RHOB: variants seen among roughly 807,000 people sequenced by gnomAD.
RHOB encodes rho-related GTP-binding protein RhoB.
A neutral mutation model predicts 12.9 loss-of-function variants in RHOB; 6 were observed. The observed-to-expected ratio is 0.47, with a 90% CI of 0.25 to 0.92. The LOEUF (loss-of-function observed/expected upper bound fraction) is 0.92. Among genes scored for constraint, RHOB ranks in the 40% least tolerant of loss-of-function variants. RHOB has a pLI of 0.16. For synonymous variants in RHOB, 168 were observed against 122.1 expected, an observed-to-expected ratio of 1.38 and a Z score of -2.48; for missense variants, 142 against 277.9, an observed-to-expected ratio of 0.51 and a Z score of 3.48.
Position 20,448,181 on chromosome 2 carries a change from T to G in RHOB, c.*125T>G. 2.3e-6 allele frequency: 2 copies of G among 856,238 alleles called. No homozygotes were observed. Among genetic ancestry groups the G allele is most frequent in the Non-Finnish European group, 3.6e-6 (2 of 557,030 alleles). 53.0% of individuals were successfully genotyped at this position (856,238 alleles called of 1,614,324 possible). ...CCCACCGGCCTGCCTGGCATCTGTCTGCTGACGCCTCTGGCTTGCGCCAGG... is the reference window on the plus strand; with the variant it reads ...CCCACCGGCCTGCCTGGCATCTGTCGGCTGACGCCTCTGGCTTGCGCCAGG... On this transcript the variant is annotated 3_prime_UTR_variant, in exon 1 of 1. Coordinates refer to ENST00000272233, the MANE Select transcript of RHOB (RefSeq NM_004040.4).
At position 20,448,910 on chromosome 2, in the gene RHOB, T is replaced by A. The variant is rs1691055584; in HGVS notation, c.*854T>A. 1 of 167,172 alleles carries A rather than the reference T, an allele frequency of 6.0e-6. No individual in the cohort carries two copies. Among genetic ancestry groups the A allele is most frequent in the South Asian group, 2.1e-4 (1 of 4,838 alleles). 10.4% of individuals were successfully genotyped at this position (167,172 alleles called of 1,614,324 possible). ...TTAAAGGCTAAAATTTGTTTTTTTA[T>A]TCTTTGCACAATTGTTTCATTGTTT... is the stretch of plus-strand genomic sequence containing the variant. On this transcript the variant is annotated 3_prime_UTR_variant, in exon 1 of 1. Transcript: ENST00000272233.
In RHOB at chr2:20,447,953, C is replaced by G. The variant is rs762876812; in HGVS notation, c.488C>G (p.Thr163Ser). The change falls in exon 1 of 1, where the codon ACC becomes AGC. Residue 163 changes from threonine to serine, a missense_variant. Coordinates refer to ENST00000272233, the MANE Select transcript of RHOB (RefSeq NM_004040.4). Reference sequence around the variant, plus strand: ...GACTACCTCGAGTGCTCTGCCAAGACCAAGGAAGGCGTGCGCGAGGTCTTC... The same window carrying G: ...GACTACCTCGAGTGCTCTGCCAAGAGCAAGGAAGGCGTGCGCGAGGTCTTC... ...AYDYLECSAK[T>S]KEGVREVFET... 1.2e-6 allele frequency: 2 copies of G among 1,613,092 alleles called. No individual in the cohort carries two copies. The highest frequency in any genetic ancestry group is 1.1e-5 in the South Asian group (1 of 91,084).
In RHOB at chr2:20,447,434, G is replaced by GC; in HGVS notation, c.-27dup. 1.9e-6 allele frequency: 3 copies of GC among 1,544,750 alleles called. No homozygotes were observed. The Admixed American group carries it at 5.5e-5, about 28-fold the overall frequency. On this transcript the variant is annotated 5_prime_UTR_variant, in exon 1 of 1. Transcript: ENST00000272233. Reference sequence around the variant, plus strand: ...CGGGAGGGCAGCGAGGCGTTCGCGGGCCCCCTCCTGCTGCCCGGGCCCGGC... The same window carrying GC: ...CGGGAGGGCAGCGAGGCGTTCGCGGGCCCCCCTCCTGCTGCCCGGGCCCGGC...
chr2:20,447,152 C>G lies in RHOB; in HGVS notation c.-314C>G, dbSNP rs1301157217. ...GGAGAGACCCGGGAGAGAGCTAGGC[C>G]GAGTCCACCGCCCGAGTCTGCTGCC... On this transcript the variant is annotated 5_prime_UTR_variant, in exon 1 of 1. Transcript: ENST00000272233. 1 of 284,066 alleles carries G rather than the reference C, an allele frequency of 3.5e-6. No homozygotes were observed. The highest frequency in any genetic ancestry group is 5.3e-5 in the Admixed American group (1 of 18,842). The allele number at this position is 284,066 out of a possible 1,614,324, so 17.6% of individuals were successfully genotyped here.
chr2:20,448,335 A>G lies in RHOB; in HGVS notation c.*279A>G. The G allele has an allele frequency of 2.0e-6, 1 of 489,008 alleles. No individual in the cohort carries two copies. Among genetic ancestry groups the G allele is most frequent in the East Asian group, 3.6e-5 (1 of 27,786 alleles). 30.3% of individuals were successfully genotyped at this position (489,008 alleles called of 1,614,324 possible). A position where few individuals can be genotyped will look rare whatever the true frequency, so the allele number is the denominator to read the frequency against. On this transcript the variant is annotated 3_prime_UTR_variant, in exon 1 of 1. Transcript: ENST00000272233. ...GCTTTTCTGAAGAGCCGGGCCTCAG[A>G]GTGTGTGGCTGTGTGTCTGTTCGAC... is the stretch of plus-strand genomic sequence containing the variant.
chr2:20,448,200 C>A lies in RHOB; in HGVS notation c.*144C>A. 1.3e-6 allele frequency: 1 copy of A among 761,608 alleles called. No individual in the cohort carries two copies. Among genetic ancestry groups the A allele is most frequent in the Non-Finnish European group, 2.1e-6 (1 of 471,238 alleles). The allele number at this position is 761,608 out of a possible 1,614,324, so 47.2% of individuals were successfully genotyped here. A position where few individuals can be genotyped will look rare whatever the true frequency, so the allele number is the denominator to read the frequency against. On this transcript the variant is annotated 3_prime_UTR_variant, in exon 1 of 1. Transcript: ENST00000272233. ...TCTGTCTGCTGACGCCTCTGGCTTG[C>A]GCCAGGACTTGGCGTGGGCACCGGG...
rs924247250 is a variant in RHOB, at chr2:20,449,125, G to C, written c.*1069G>C. 6.0e-6 allele frequency: 1 copy of C among 166,686 alleles called. No individual in the cohort carries two copies. Among genetic ancestry groups the C allele is most frequent in the South Asian group, 2.1e-4 (1 of 4,824 alleles). 10.3% of individuals were successfully genotyped at this position (166,686 alleles called of 1,614,324 possible). A position where few individuals can be genotyped will look rare whatever the true frequency, so the allele number is the denominator to read the frequency against. On this transcript the variant is annotated 3_prime_UTR_variant, in exon 1 of 1. Transcript: ENST00000272233. ...CTGTTTTGTGATTTTATTTGTGCAGGTCATGCACACAGTTTTGATAAAGGG... is the reference window on the plus strand; with the variant it reads ...CTGTTTTGTGATTTTATTTGTGCAGCTCATGCACACAGTTTTGATAAAGGG...
Position 20,447,355 on chromosome 2 carries a change from C to T in RHOB, c.-111C>T, listed in dbSNP as rs967192808. The T allele has an allele frequency of 2.5e-6, 2 of 807,470 alleles. No individual in the cohort carries two copies. The highest frequency in any genetic ancestry group is 3.6e-6 in the Non-Finnish European group (2 of 560,526). The allele number at this position is 807,470 out of a possible 1,614,324, so 50.0% of individuals were successfully genotyped here. A position where few individuals can be genotyped will look rare whatever the true frequency, so the allele number is the denominator to read the frequency against. ...GCGCCACCGCGGGGCCCGGGTGCAGCTAGCGACCCTCTCGCCACCTGCGCG... is the reference window on the plus strand; with the variant it reads ...GCGCCACCGCGGGGCCCGGGTGCAGTTAGCGACCCTCTCGCCACCTGCGCG... On this transcript the variant is annotated 5_prime_UTR_variant, in exon 1 of 1. Transcript: ENST00000272233.
At position 20,447,942 on chromosome 2, in the gene RHOB, C is replaced by T. The variant is rs1053981804; in HGVS notation, c.477C>T (p.Cys159=). The part of the protein sequence containing the change: ...VRIQAYDYLE[C]SAKTKEGVRE... ...TCCAAGCCTACGACTACCTCGAGTGCTCTGCCAAGACCAAGGAAGGCGTGC... is the reference window on the plus strand; with the variant it reads ...TCCAAGCCTACGACTACCTCGAGTGTTCTGCCAAGACCAAGGAAGGCGTGC... Residue 159 remains cysteine, a synonymous_variant, in exon 1 of 1, where the codon TGC becomes TGT. Transcript: ENST00000272233. 1.2e-5 allele frequency: 20 copies of T among 1,613,024 alleles called. No individual in the cohort carries two copies. The highest frequency in any genetic ancestry group is 2.7e-5 in the African/African-American group (2 of 74,938).
chr2:20,447,492 G>T lies in RHOB; in HGVS notation c.27G>T (p.Val9=). The part of the protein sequence containing the change: MAAIRKKL[V]VVGDGACGKT... ...TGGCGGCCATCCGCAAGAAGCTGGTGGTGGTGGGCGACGGCGCGTGTGGCA... is the reference window on the plus strand; with the variant it reads ...TGGCGGCCATCCGCAAGAAGCTGGTTGTGGTGGGCGACGGCGCGTGTGGCA... The change falls in exon 1 of 1, where the codon GTG becomes GTT. Residue 9 remains valine (V), a synonymous_variant. Coordinates refer to ENST00000272233, the MANE Select transcript of RHOB (RefSeq NM_004040.4). 1.2e-6 allele frequency: 2 copies of T among 1,612,560 alleles called. No individual in the cohort carries two copies. The highest frequency in any genetic ancestry group is 1.1e-5 in the South Asian group (1 of 91,004).
At position 20,448,341 on chromosome 2, in the gene RHOB, T is replaced by G; in HGVS notation, c.*285T>G. Reference sequence around the variant, plus strand: ...CTGAAGAGCCGGGCCTCAGAGTGTGTGGCTGTGTGTCTGTTCGACTCCCCT... The same window carrying G: ...CTGAAGAGCCGGGCCTCAGAGTGTGGGGCTGTGTGTCTGTTCGACTCCCCT... On this transcript the variant is annotated 3_prime_UTR_variant, in exon 1 of 1. Transcript: ENST00000272233. The G allele has an allele frequency of 2.1e-6, 1 of 468,522 alleles. No individual in the cohort carries two copies. Among genetic ancestry groups the G allele is most frequent in the Non-Finnish European group, 3.9e-6 (1 of 253,180 alleles). The allele number at this position is 468,522 out of a possible 1,614,324, so 29.0% of individuals were successfully genotyped here. A position where few individuals can be genotyped will look rare whatever the true frequency, so the allele number is the denominator to read the frequency against.
In RHOB at chr2:20,449,298, CTA is replaced by C. The variant is rs1691067947; in HGVS notation, c.*1243_*1244del. The stretch of plus-strand genomic sequence containing the variant: ...CCCCTCCCTCCCAGTGGTACTTCTA[CTA>C]AATTGTTGTCTTGTTTTTTATTTTT... On this transcript the variant is annotated 3_prime_UTR_variant, in exon 1 of 1. Coordinates refer to ENST00000272233, the MANE Select transcript of RHOB (RefSeq NM_004040.4). 6.1e-6 allele frequency: 1 copy of C among 163,108 alleles called. No homozygotes were observed. The highest frequency in any genetic ancestry group is 2.1e-4 in the South Asian group (1 of 4,782). 10.1% of individuals were successfully genotyped at this position (163,108 alleles called of 1,614,324 possible).
In RHOB at chr2:20,447,313, A is replaced by G. The variant is rs1691016309; in HGVS notation, c.-153A>G. 1.2e-5 allele frequency: 6 copies of G among 512,986 alleles called. No homozygotes were observed. The highest frequency in any genetic ancestry group is 1.9e-5 in the Non-Finnish European group (6 of 316,482). The allele number at this position is 512,986 out of a possible 1,614,324, so 31.8% of individuals were successfully genotyped here. ...CCCACCGCCCCCGCCGCGGCAGCCG[A>G]AGCGCAGCGAGAGAACGCGCCACCG... On this transcript the variant is annotated 5_prime_UTR_variant, in exon 1 of 1. Coordinates refer to ENST00000272233, the MANE Select transcript of RHOB (RefSeq NM_004040.4).
In RHOB at chr2:20,447,826, C is replaced by T. The variant is rs761431295; in HGVS notation, c.361C>T (p.Leu121=). 2.9e-5 allele frequency: 47 copies of T among 1,613,740 alleles called. No homozygotes were observed. The highest frequency in any genetic ancestry group is 2.2e-5 in the South Asian group (2 of 91,080). The change falls in exon 1 of 1, where the codon CTG becomes TTG. Residue 121 remains leucine, a synonymous_variant. Transcript: ENST00000272233. ...CATCCTGGTGGCCAACAAAAAAGAC[C>T]TGCGCAGCGACGAGCATGTCCGCAC... The part of the protein sequence containing the change: ...PIILVANKKD[L]RSDEHVRTEL...
At position 20,448,348 on chromosome 2, in the gene RHOB, GTGTC is replaced by G. The variant is rs569827161; in HGVS notation, c.*296_*299del. Reference sequence around the variant, plus strand: ...GCCGGGCCTCAGAGTGTGTGGCTGTGTGTCTGTTCGACTCCCCTCGCCCCATTTT... The same window carrying G: ...GCCGGGCCTCAGAGTGTGTGGCTGTGTGTTCGACTCCCCTCGCCCCATTTT... On this transcript the variant is annotated 3_prime_UTR_variant, in exon 1 of 1. Transcript: ENST00000272233. 3.0e-4 allele frequency: 133 copies of G among 439,328 alleles called. No individual in the cohort carries two copies. Among genetic ancestry groups the G allele is most frequent in the African/African-American group, 2.6e-3 (130 of 49,180 alleles). The allele number at this position is 439,328 out of a possible 1,614,324, so 27.2% of individuals were successfully genotyped here. A position where few individuals can be genotyped will look rare whatever the true frequency, so the allele number is the denominator to read the frequency against.
chr2:20,448,352 CTGTT>C lies in RHOB; in HGVS notation c.*297_*300del, dbSNP rs1312649637. ...GGCCTCAGAGTGTGTGGCTGTGTGT[CTGTT>C]CGACTCCCCTCGCCCCATTTTCACC... On this transcript the variant is annotated 3_prime_UTR_variant, in exon 1 of 1. Coordinates refer to ENST00000272233, the MANE Select transcript of RHOB (RefSeq NM_004040.4). 1 of 425,300 alleles carries C rather than the reference CTGTT, an allele frequency of 2.4e-6. No homozygotes were observed. The highest frequency in any genetic ancestry group is 4.2e-5 in the East Asian group (1 of 23,788). The allele number at this position is 425,300 out of a possible 1,614,324, so 26.3% of individuals were successfully genotyped here. A position where few individuals can be genotyped will look rare whatever the true frequency, so the allele number is the denominator to read the frequency against.
chr2:20,448,002 G>C lies in RHOB; in HGVS notation c.537G>C (p.Leu179=), dbSNP rs1392401797. The C allele has an allele frequency of 8.0e-5, 129 of 1,612,600 alleles. No homozygotes were observed. The highest frequency in any genetic ancestry group is 1.1e-4 in the Non-Finnish European group (127 of 1,179,866). ...EVFETATRAA[L]QKRYGSQNGC... is the part of the protein sequence containing the mutation. Reference sequence around the variant, plus strand: ...TCGAGACGGCCACGCGCGCCGCGCTGCAGAAGCGCTACGGCTCCCAGAACG... The same window carrying C: ...TCGAGACGGCCACGCGCGCCGCGCTCCAGAAGCGCTACGGCTCCCAGAACG... The change falls in exon 1 of 1, where the codon CTG becomes CTC. Residue 179 remains leucine (L), a synonymous_variant. Transcript: ENST00000272233.
Position 20,448,840 on chromosome 2 carries a change from A to C in RHOB, c.*784A>C, listed in dbSNP as rs1190395527. 1 of 167,160 alleles carries C rather than the reference A, an allele frequency of 6.0e-6. No individual in the cohort carries two copies. Among genetic ancestry groups the C allele is most frequent in the Non-Finnish European group, 1.5e-5 (1 of 68,126 alleles). 10.4% of individuals were successfully genotyped at this position (167,160 alleles called of 1,614,324 possible). ...TAAGCGAACTTTGTGCCTGTCCTAG[A>C]AGTGAAAATTGTTCAGTCCAAGAAA... On this transcript the variant is annotated 3_prime_UTR_variant, in exon 1 of 1. Coordinates refer to ENST00000272233, the MANE Select transcript of RHOB (RefSeq NM_004040.4).
rs1691025487 is a variant in RHOB at position 20,447,684 on chromosome 2, C to T, written c.219C>T (p.Ser73=). 1 of 1,613,788 alleles carries T rather than the reference C, an allele frequency of 6.2e-7. No individual in the cohort carries two copies. Residue 73 remains serine (S), a synonymous_variant, in exon 1 of 1, where the codon TCC becomes TCT. Transcript: ENST00000272233. ...QEDYDRLRPL[S]YPDTDVILMC... ...ACTACGACCGCCTGCGGCCGCTCTC[C>T]TACCCGGACACCGACGTCATTCTCA...
Sources: gnomAD v4.1 joint callset for allele counts on GRCh38, gnomAD v4.1.1 for gene constraint, MANE v1.5 for transcripts, NCBI Gene and HGNC (gene_info 2026-07-23, HGNC 2026-07-21) for gene names.